Variants in PPM1H observed in about 807,000 individuals in gnomAD.
PPM1H encodes the protein protein phosphatase 1H.
PPM1H carries 27 observed loss-of-function variants against 54.9 expected under a neutral mutation model. That is an observed-to-expected ratio of 0.49 (90% CI 0.36 to 0.68). The LOEUF is 0.68. Among genes scored for constraint, PPM1H ranks in the 30% least tolerant of loss-of-function variants. The pLI, the probability that PPM1H is intolerant of heterozygous loss-of-function variation, is 0.00. For missense variants in PPM1H, 596 were observed against 667.8 expected (o/e 0.89, Z 1.19); for synonymous variants, 305 against 270.8 (o/e 1.13, Z -1.24).
chr12:62,705,563 A>C (rs1366184613), intron 6 of PPM1H, among the ~76,000 whole-genome samples: 1 of 152,250 alleles, frequency 6.6e-6, no homozygotes, highest in Admixed American at 6.5e-5. Flanking sequence ...AACAGAACTA[A>C]TAATATTTCA....
Position 62,662,080 on chromosome 12 carries a change from C to T in PPM1H, c.1397+5098G>A, listed in dbSNP as rs539630672. On this transcript the variant is annotated intron_variant, in intron 9 of 9. Coordinates refer to ENST00000228705, the MANE Select transcript of PPM1H (RefSeq NM_020700.2). ...CCCTGCCTCCGTAGGCAGCAGTTCT[C>T]GTGGACCCCAGGAGCCTGCTCTGAC... Among the ~76,000 whole-genome samples the T allele has an allele frequency of 5.3e-5, 8 of 152,300 alleles. No homozygotes were observed. In the South Asian group the frequency reaches 1.2e-3, roughly 24 times the overall value.
At chr12:62,667,449 T>C in intron 8 of PPM1H, 120 bp from the exon 9 acceptor site, 1 of 892,684 alleles carries the variant, frequency 1.1e-6, no homozygotes, top group Non-Finnish European at 1.7e-6. Context: ...CAGATATGCA[T>C]TGTAGGGTAC....
At chr12:62,755,701 C>G in intron 4 of PPM1H, 1 of 685,018 alleles carries the variant, frequency 1.5e-6, no homozygotes, top group Non-Finnish European at 2.6e-6. Context: ...CTTAGTGCCT[C>G]TGGCCAAGGT....
At chr12:62,706,784 C>T (rs1213333751) in intron 6 of PPM1H, among the ~76,000 whole-genome samples, 2 of 151,934 alleles carry the variant, frequency 1.3e-5, no homozygotes, top group Non-Finnish European at 2.9e-5. Flanking sequence ...GCATGAGATG[C>T]AAAAGAATGT....
intron 2 of PPM1H, among the ~76,000 whole-genome samples, chr12:62,817,161 GA>G (rs1179706449): frequency 0.21 from 16,155 of 75,216 alleles, 933 homozygotes; most frequent in South Asian, 0.34. Context: ...CTAAAAAAAA[GA>G]AAAAAAAAAA....
intron 1 of PPM1H, among the ~76,000 whole-genome samples, chr12:62,858,180 C>A (rs896234555): frequency 6.6e-6 from 1 of 151,896 alleles, no homozygotes; most frequent in South Asian, 2.1e-4. Context: ...CCACAGAGAG[C>A]CTTGTATTAT....
Position 62,648,487 on chromosome 12 carries a change from T to A in PPM1H, c.*2A>T. 1 of 1,613,894 alleles carries A rather than the reference T, an allele frequency of 6.2e-7. No individual in the cohort carries two copies. On this transcript the variant is annotated 3_prime_UTR_variant, in exon 10 of 10. Coordinates refer to ENST00000228705, the MANE Select transcript of PPM1H (RefSeq NM_020700.2). ...CTGTCCTCCCAATCCCCTGGGCCAT[T>A]TTCATGACAGCTTGTTTCCATGTAT...
intron 5 of PPM1H, among the ~76,000 whole-genome samples, chr12:62,725,066 G>A (rs970641538): frequency 4.6e-5 from 7 of 152,166 alleles, no homozygotes; most frequent in Non-Finnish European, 1.0e-4. Context: ...AAGTTCTTAA[G>A]CCAGCTTTGC....
intron 5 of PPM1H, among the ~76,000 whole-genome samples, chr12:62,726,897 C>T (rs527968131): frequency 3.3e-5 from 5 of 152,104 alleles, no homozygotes; most frequent in Admixed American, 3.3e-4. Flanking sequence ...CAGGAATTTG[C>T]TAGTTTGCTA....
chr12:62,675,899 G>A (rs191127029), intron 8 of PPM1H, among the ~76,000 whole-genome samples: 4 of 152,340 alleles, frequency 2.6e-5, no homozygotes, highest in Admixed American at 6.5e-5. Flanking sequence ...GATATTTGCT[G>A]TGTGACAAAG....
At chr12:62,788,380 T>A (rs2120703785) in intron 3 of PPM1H, 42 bp from the exon 4 acceptor site, 2 of 1,262,902 alleles carry the variant, frequency 1.6e-6, no homozygotes, top group Admixed American at 2.0e-5. Flanking sequence ...GTGCAGGATG[T>A]GTAGCAAAAG....
At chr12:62,717,822 G>A (rs186435548) in intron 6 of PPM1H, among the ~76,000 whole-genome samples, 19 of 152,258 alleles carry the variant, frequency 1.2e-4, no homozygotes, top group South Asian at 1.0e-3. Context: ...TTAAAGTGAC[G>A]ATGCCTATTA....
intron 4 of PPM1H, among the ~76,000 whole-genome samples, chr12:62,747,024 T>A (rs990212001): frequency 4.6e-5 from 7 of 152,324 alleles, no homozygotes; most frequent in African/African-American, 1.4e-4. Flanking sequence ...CGATCGTGGC[T>A]CACTGCAGCT....
At chr12:62,882,801 T>C (rs1430813007) in intron 1 of PPM1H, among the ~76,000 whole-genome samples, 1 of 152,240 alleles carries the variant, frequency 6.6e-6, no homozygotes, top group African/African-American at 2.4e-5. Context: ...TAAAAATTCC[T>C]TAGAAATACT....
chr12:62,755,527 T>C, intron 4 of PPM1H: 1 of 662,190 alleles, frequency 1.5e-6, no homozygotes. Flanking sequence ...CACCGGTGTC[T>C]TCACCACCAT....
chr12:62,856,350 G>A (rs1042572121), intron 1 of PPM1H, among the ~76,000 whole-genome samples: 3 of 152,174 alleles, frequency 2.0e-5, no homozygotes, highest in African/African-American at 4.8e-5. Context: ...ATCTCTCAAA[G>A]TGGGGACAAT....
chr12:62,755,564 G>A (rs2029721), intron 4 of PPM1H: 216,648 of 653,130 alleles, frequency 0.33, 38,593 homozygotes, highest in Non-Finnish European at 0.37. Context: ...CACTTGCAGC[G>A]GGGAGCCAAA....
chr12:62,694,210 G>C (rs1565759134), intron 6 of PPM1H, among the ~76,000 whole-genome samples: 1 of 152,180 alleles, frequency 6.6e-6, no homozygotes, highest in Non-Finnish European at 1.5e-5. Context: ...TATGCTTGAA[G>C]AGGGAGGAAA....
rs946793580 is a variant in PPM1H at position 62,934,953 on chromosome 12, A to C, written c.-217T>G. 3.3e-6 allele frequency: 1 copy of C among 300,234 alleles called. No homozygotes were observed. The highest frequency in any genetic ancestry group is 5.8e-6 in the Non-Finnish European group (1 of 171,810). The allele number at this position is 300,234 out of a possible 1,614,324, so 18.6% of individuals were successfully genotyped here. On this transcript the variant is annotated 5_prime_UTR_variant, in exon 1 of 10. Transcript: ENST00000228705. This position sits in a 1 kb window ranked among gnomAD's most constrained non-coding sequence, Gnocchi z 4.2. ...GGTGGCCGCCGCCTCCCCCCGCTAC[A>C]CTTCCGCAACGGAGCTGCATGGAGC...
Sources: allele counts gnomAD v4.1 joint callset (sites outside exome capture counted in the v4.1 genomes callset), GRCh38; gene constraint gnomAD v4.1.1; non-coding constraint Gnocchi (gnomAD v3.1); transcripts MANE v1.5; gene names NCBI Gene and HGNC (gene_info 2026-07-23, HGNC 2026-07-21).